The following AFG1L variants were observed in gnomAD, a reference collection of about 807,000 sequenced individuals.
The protein encoded by AFG1L is AFG1-like ATPase.
A neutral mutation model predicts 62.2 loss-of-function variants in AFG1L; 53 were observed. The observed-to-expected ratio is 0.85, with a 90% CI of 0.68 to 1.07. The LOEUF (loss-of-function observed/expected upper bound fraction) is 1.07, where lower values mean the gene tolerates loss of function less well. AFG1L is among the 50% of genes least tolerant of loss of function. The pLI is 0.00. For missense variants in AFG1L, 555 were observed against 590.5 expected (o/e 0.94, Z 0.62); for synonymous variants, 228 against 210.3 (o/e 1.08, Z -0.73).
intron 7 of AFG1L, among the ~76,000 whole-genome samples, 180 bp downstream of exon 7, chr6:108,402,234 G>T (rs558179539): frequency 6.6e-6 from 1 of 152,194 alleles, no homozygotes; most frequent in African/African-American, 2.4e-5. Context: ...GGAGGCCAAG[G>T]TGGGCGGATC....
intron 10 of AFG1L, among the ~76,000 whole-genome samples, chr6:108,486,874 T>G (rs1773594254): frequency 6.6e-6 from 1 of 151,882 alleles, no homozygotes; most frequent in Non-Finnish European, 1.5e-5. Flanking sequence ...CCAGCTAATT[T>G]TAGTATTTTT....
chr6:108,414,369 C>G (rs1782261551), intron 7 of AFG1L, among the ~76,000 whole-genome samples: 1 of 152,190 alleles, frequency 6.6e-6, no homozygotes, highest in Non-Finnish European at 1.5e-5. Flanking sequence ...ACCATTCCTT[C>G]TGAAACTATT....
intron 11 of AFG1L, among the ~76,000 whole-genome samples, chr6:108,510,663 A>G (rs1232881036): frequency 6.6e-6 from 1 of 152,252 alleles, no homozygotes; most frequent in Non-Finnish European, 1.5e-5. Context: ...TATATGAATG[A>G]TTGCATCATT....
At chr6:108,373,924 A>G (rs182508092) in intron 6 of AFG1L, among the ~76,000 whole-genome samples, 8 of 152,258 alleles carry the variant, frequency 5.3e-5, no homozygotes, top group Non-Finnish European at 1.0e-4. Flanking sequence ...ACTGCTTTCC[A>G]CAGTGGCTGA....
chr6:108,298,260 A>ATTT (rs779200181), intron 1 of AFG1L, among the ~76,000 whole-genome samples: 128 of 121,474 alleles, frequency 1.1e-3, no homozygotes, highest in South Asian at 2.8e-3. Flanking sequence ...GAGGGGAAGA[A>ATTT]TTTTTTTTTT....
intron 7 of AFG1L, among the ~76,000 whole-genome samples, chr6:108,442,808 A>G (rs774104476): frequency 2.6e-5 from 4 of 152,116 alleles, no homozygotes; most frequent in Non-Finnish European, 5.9e-5. Context: ...TGAAAGTTCT[A>G]TATCCAGAAA....
chr6:108,311,328 ATCT>A (rs1777398464), intron 1 of AFG1L, among the ~76,000 whole-genome samples: 1 of 152,026 alleles, frequency 6.6e-6, no homozygotes, highest in South Asian at 2.1e-4. Flanking sequence ...TGCCCTTCTG[ATCT>A]CAATGGAAAC....
chr6:108,448,904 C>T (rs1266416105), intron 8 of AFG1L, among the ~76,000 whole-genome samples: 1 of 152,036 alleles, frequency 6.6e-6, no homozygotes, highest in East Asian at 1.9e-4. Context: ...AATCCAGGCA[C>T]TTTGGGAGGC....
chr6:108,478,253 C>T (rs1450965255), intron 10 of AFG1L, among the ~76,000 whole-genome samples: 4 of 152,116 alleles, frequency 2.6e-5, no homozygotes, highest in Admixed American at 2.0e-4. Context: ...CTAGCTAACA[C>T]GGTGAAACCT....
At chr6:108,350,670 C>A (rs1014877989) in intron 3 of AFG1L, among the ~76,000 whole-genome samples, 4 of 152,188 alleles carry the variant, frequency 2.6e-5, no homozygotes, top group African/African-American at 9.7e-5. Context: ...GGCTTTCTCA[C>A]AACAGAGCCT....
intron 10 of AFG1L, among the ~76,000 whole-genome samples, chr6:108,501,273 G>A (rs1429255381): frequency 6.6e-6 from 1 of 152,168 alleles, no homozygotes; most frequent in Non-Finnish European, 1.5e-5. Flanking sequence ...GATTACAGGC[G>A]TGAGCCACCG....
At chr6:108,494,991 T>C (rs1451525051) in intron 10 of AFG1L, among the ~76,000 whole-genome samples, 1 of 151,972 alleles carries the variant, frequency 6.6e-6, no homozygotes, top group East Asian at 1.9e-4. Flanking sequence ...GCCAGGCTGG[T>C]CTTCAACTCC....
At chr6:108,451,990 C>T (rs974517656) in intron 8 of AFG1L, among the ~76,000 whole-genome samples, 6 of 152,150 alleles carry the variant, frequency 3.9e-5, no homozygotes, top group African/African-American at 1.2e-4. Flanking sequence ...GCTGGAATTA[C>T]AGGCGTTGAG....
At chr6:108,415,119 C>T (rs541487452) in intron 7 of AFG1L, among the ~76,000 whole-genome samples, 1 of 152,308 alleles carries the variant, frequency 6.6e-6, no homozygotes, top group African/African-American at 2.4e-5. Context: ...CATTCCTCTA[C>T]ACCAATAACA....
At chr6:108,439,423 T>C (rs1771446412) in intron 7 of AFG1L, among the ~76,000 whole-genome samples, 1 of 152,210 alleles carries the variant, frequency 6.6e-6, no homozygotes, top group Non-Finnish European at 1.5e-5. Context: ...TGGCATATTT[T>C]ATTAAATATA....
chr6:108,404,888 C>T (rs1781784746), intron 7 of AFG1L, among the ~76,000 whole-genome samples: 1 of 152,044 alleles, frequency 6.6e-6, no homozygotes, highest in African/African-American at 2.4e-5. Context: ...CACCACCACA[C>T]CAGGCTAATT....
chr6:108,306,962 TATTTG>T (rs1777221144), intron 1 of AFG1L, among the ~76,000 whole-genome samples: 1 of 152,188 alleles, frequency 6.6e-6, no homozygotes, highest in African/African-American at 2.4e-5. Context: ...CTCCTGTTTG[TATTTG>T]ATTTATTATT....
intron 5 of AFG1L, among the ~76,000 whole-genome samples, chr6:108,364,099 T>C (rs1292895906): frequency 6.6e-6 from 1 of 152,248 alleles, no homozygotes; most frequent in Non-Finnish European, 1.5e-5. Flanking sequence ...TTATTGGTAA[T>C]CTGTAGCCTT....
At chr6:108,507,122 G>T (rs1365265576) in intron 10 of AFG1L, among the ~76,000 whole-genome samples, 1 of 152,086 alleles carries the variant, frequency 6.6e-6, no homozygotes, top group African/African-American at 2.4e-5. Flanking sequence ...GGCCTAAATT[G>T]AGAGAGATGT....
Sources: gnomAD v4.1 joint callset for allele counts (sites outside exome capture counted in the v4.1 genomes callset) on GRCh38, gnomAD v4.1.1 for gene constraint, MANE v1.5 for transcripts, NCBI Gene and HGNC (gene_info 2026-07-23, HGNC 2026-07-21) for gene names.